Variants in MOB1B observed in about 807,000 individuals in gnomAD.
MOB1B encodes MOB kinase activator 1B.
MOB1B carries 19 observed loss-of-function variants against 24.4 expected under a neutral mutation model. The ratio of observed to expected loss-of-function variants is 0.78; its 90% CI spans 0.54 to 1.14. The LOEUF is 1.14. MOB1B is among the 50% of genes most tolerant of loss of function. The pLI is 0.00. For missense variants in MOB1B, 243 were observed against 259.6 expected, an observed-to-expected ratio of 0.94 and a Z score of 0.44; for synonymous variants, 76 against 82.1, an observed-to-expected ratio of 0.93 and a Z score of 0.40.
chr4:70,977,126 T>C (rs535616095), intron 4 of MOB1B, among the ~76,000 whole-genome samples: 2 of 152,318 alleles, frequency 1.3e-5, no homozygotes, highest in Admixed American at 6.5e-5. Flanking sequence ...AGGAAATTTA[T>C]ACTGATGCTA....
At chr4:70,965,696 C>T (rs998939895) in intron 2 of MOB1B, among the ~76,000 whole-genome samples, 2 of 145,930 alleles carry the variant, frequency 1.4e-5, no homozygotes, top group African/African-American at 2.5e-5. Flanking sequence ...ACTTGGGAGG[C>T]TGAGGCAGGA....
intron 1 of MOB1B, among the ~76,000 whole-genome samples, chr4:70,958,461 T>G (rs1370056918): frequency 6.6e-6 from 1 of 152,170 alleles, no homozygotes; most frequent in Non-Finnish European, 1.5e-5. Context: ...CCACTGTGCC[T>G]GGCTGAACAT....
At chr4:70,914,165 C>T (rs1346315540) in intron 1 of MOB1B, among the ~76,000 whole-genome samples, 1 of 152,200 alleles carries the variant, frequency 6.6e-6, no homozygotes, top group Admixed American at 6.5e-5. Flanking sequence ...ACGAGGGCTT[C>T]ACCAGACATC....
chr4:70,940,584 T>G (rs1317097106), intron 1 of MOB1B, among the ~76,000 whole-genome samples: 2 of 152,188 alleles, frequency 1.3e-5, no homozygotes, highest in Non-Finnish European at 2.9e-5. Flanking sequence ...TGTTATCAGT[T>G]AAATGTCTCT....
chr4:70,924,411 G>A (rs1736569199), intron 1 of MOB1B, among the ~76,000 whole-genome samples: 1 of 152,172 alleles, frequency 6.6e-6, no homozygotes, highest in Non-Finnish European at 1.5e-5. Flanking sequence ...TCCCAAAGTG[G>A]CTTAGACTCT....
In MOB1B at chr4:70,983,404, G is replaced by T. The variant is rs1057188858; in HGVS notation, c.*1347G>T. The T allele has an allele frequency of 6.6e-6, 1 of 152,270 alleles. No homozygotes were observed. Among genetic ancestry groups the T allele is most frequent in the East Asian group, 1.9e-4 (1 of 5,194 alleles). 9.4% of individuals were successfully genotyped at this position (152,270 alleles called of 1,614,324 possible). A position where few individuals can be genotyped will look rare whatever the true frequency, so the allele number is the denominator to read the frequency against. ...AGTTATTAACTTCTAAATTTTATTCGCCATGACTTTCTAGTGAATTATTAC... is the reference window on the plus strand; with the variant it reads ...AGTTATTAACTTCTAAATTTTATTCTCCATGACTTTCTAGTGAATTATTAC... On this transcript the variant is annotated 3_prime_UTR_variant, in exon 6 of 6. Coordinates refer to ENST00000309395, the MANE Select transcript of MOB1B (RefSeq NM_173468.4).
At chr4:70,924,524 G>A (rs62325392) in intron 1 of MOB1B, among the ~76,000 whole-genome samples, 9,907 of 152,168 alleles carry the variant, frequency 0.065, 409 homozygotes, top group East Asian at 0.12. Context: ...GGGTACACGA[G>A]CACAACGTGC....
chr4:70,949,923 A>C (rs942111937), intron 1 of MOB1B, among the ~76,000 whole-genome samples: 13 of 152,060 alleles, frequency 8.5e-5, no homozygotes, highest in African/African-American at 3.1e-4. Context: ...AAAATACATA[A>C]ATAAAATTAC....
chr4:70,967,788 A>G (rs1403012726), intron 2 of MOB1B, among the ~76,000 whole-genome samples: 2 of 152,170 alleles, frequency 1.3e-5, no homozygotes, highest in African/African-American at 4.8e-5. Context: ...CCTGGAAACT[A>G]TTCCTTTATG....
chr4:70,957,052 A>G (rs2148892936), intron 1 of MOB1B, among the ~76,000 whole-genome samples: 1 of 150,370 alleles, frequency 6.7e-6, no homozygotes, highest in Non-Finnish European at 1.5e-5. Flanking sequence ...GAGAGGAGGT[A>G]GAGTGAAAAG....
intron 3 of MOB1B, among the ~76,000 whole-genome samples, chr4:70,972,018 T>G (rs527495775): frequency 2.9e-4 from 44 of 151,860 alleles, no homozygotes; most frequent in African/African-American, 1.0e-3. Flanking sequence ...CTTTTTTTTT[T>G]TGGGGAGAAT....
chr4:70,942,128 G>T (rs894262291), intron 1 of MOB1B, among the ~76,000 whole-genome samples: 7 of 152,008 alleles, frequency 4.6e-5, no homozygotes, highest in African/African-American at 1.4e-4. Flanking sequence ...TCCAAACCAG[G>T]AATGATTCTT....
At chr4:70,951,278 T>C (rs1298242933) in intron 1 of MOB1B, among the ~76,000 whole-genome samples, 1 of 152,140 alleles carries the variant, frequency 6.6e-6, no homozygotes, top group Admixed American at 6.5e-5. Context: ...AAAAGTTGTC[T>C]TCCGTGAAAC....
chr4:70,952,935 C>CTTTTTTTTT (rs71211985), intron 1 of MOB1B, among the ~76,000 whole-genome samples: 21 of 72,310 alleles, frequency 2.9e-4, no homozygotes, highest in Non-Finnish European at 4.2e-4. Context: ...GTCATTTGGT[C>CTTTTTTTTT]TTTTTTTTTT....
intron 1 of MOB1B, among the ~76,000 whole-genome samples, chr4:70,911,478 G>A (rs1735987106): frequency 6.6e-6 from 1 of 151,914 alleles, no homozygotes; most frequent in South Asian, 2.1e-4. Flanking sequence ...TGTGGGGAGT[G>A]GAAGTAAATA....
intron 1 of MOB1B, among the ~76,000 whole-genome samples, chr4:70,928,626 AGAGT>A (rs1422541881): frequency 2.0e-5 from 3 of 152,148 alleles, no homozygotes; most frequent in Admixed American, 6.6e-5. Flanking sequence ...ACGGGTGGTG[AGAGT>A]ATGAGTGATT....
rs757931194 is a variant in MOB1B at position 70,966,523 on chromosome 4, C to T, written c.182-3408C>T. Among the ~76,000 whole-genome samples the T allele has an allele frequency of 2.6e-5, 4 of 151,714 alleles. No homozygotes were observed. In the East Asian group the frequency reaches 5.8e-4, roughly 22 times the overall value. On this transcript the variant is annotated intron_variant, in intron 2 of 5. Transcript: ENST00000309395. ...CCGAGTAGCTGGGATTACAGGCATG[C>T]GCCACTGTGCCCGGCTAATTTTGTA...
chr4:70,953,262 G>T (rs1330534333), intron 1 of MOB1B, among the ~76,000 whole-genome samples: 2 of 152,064 alleles, frequency 1.3e-5, no homozygotes, highest in African/African-American at 2.4e-5. Context: ...TTTGACCTGC[G>T]AATGAGGAGC....
At chr4:70,913,102 T>C (rs1736059958) in intron 1 of MOB1B, among the ~76,000 whole-genome samples, 1 of 152,228 alleles carries the variant, frequency 6.6e-6, no homozygotes, top group East Asian at 1.9e-4. Flanking sequence ...TCCTTGACTT[T>C]TATGACCTTT....
Sources: gnomAD v4.1 joint callset for allele counts (sites outside exome capture counted in the v4.1 genomes callset) on GRCh38, gnomAD v4.1.1 for gene constraint, MANE v1.5 for transcripts, NCBI Gene and HGNC (gene_info 2026-07-23, HGNC 2026-07-21) for gene names.